The following CTNND2 variants were observed in gnomAD, a reference collection of about 807,000 sequenced individuals.
The protein encoded by CTNND2 is catenin delta-2.
In CTNND2, 22 loss-of-function variants were observed where a neutral mutation model predicts 144.4. The observed-to-expected ratio is 0.15, with a 90% confidence interval of 0.11 to 0.22. The LOEUF (loss-of-function observed/expected upper bound fraction) is 0.22. CTNND2 is among the 10% of genes least tolerant of loss of function. The pLI, the probability that CTNND2 is intolerant of heterozygous loss-of-function variation, is 1.00. For missense variants in CTNND2, 1,353 were observed against 1,618.8 expected (o/e 0.84, Z 2.82); for synonymous variants, 751 against 695.6 (o/e 1.08, Z -1.25).
chr5:11,782,076 T>C (rs905132035), intron 1 of CTNND2, among the ~76,000 whole-genome samples: 4 of 152,180 alleles, frequency 2.6e-5, no homozygotes, highest in Admixed American at 2.6e-4. Flanking sequence ...ACATGAGAGC[T>C]GATGTTTGTA....
intron 13 of CTNND2, among the ~76,000 whole-genome samples, chr5:11,113,786 G>A (rs1753264922): frequency 6.6e-6 from 1 of 152,206 alleles, no homozygotes; most frequent in Non-Finnish European, 1.5e-5. Context: ...TGCAGTCCTG[G>A]GGTGGGACTG....
intron 2 of CTNND2, among the ~76,000 whole-genome samples, chr5:11,720,011 C>A (rs1320723429): frequency 6.6e-6 from 1 of 152,266 alleles, no homozygotes; most frequent in East Asian, 1.9e-4. Flanking sequence ...CCCAGCCACA[C>A]CCCAGGCTAA....
chr5:11,312,852 G>C (rs559887025), intron 9 of CTNND2, among the ~76,000 whole-genome samples: 1 of 152,300 alleles, frequency 6.6e-6, no homozygotes, highest in South Asian at 2.1e-4. Flanking sequence ...TTCTAAATGA[G>C]ATTTTGCTTG....
chr5:11,759,535 T>C (rs1021185082), intron 1 of CTNND2, among the ~76,000 whole-genome samples: 3 of 148,732 alleles, frequency 2.0e-5, no homozygotes, highest in Non-Finnish European at 4.5e-5. Flanking sequence ...TTTCTATATT[T>C]ATTTTACAAT....
chr5:11,586,323 C>A (rs1778860495), intron 2 of CTNND2, among the ~76,000 whole-genome samples: 1 of 152,146 alleles, frequency 6.6e-6, no homozygotes, highest in African/African-American at 2.4e-5. Context: ...TGGATCCCAC[C>A]AGACTTTTTA....
intron 1 of CTNND2, among the ~76,000 whole-genome samples, chr5:11,852,191 A>G (rs1795049022): frequency 6.6e-6 from 1 of 152,178 alleles, no homozygotes; most frequent in South Asian, 2.1e-4. Flanking sequence ...CAAGAATGCC[A>G]CAGGAATGTC....
chr5:11,020,583 GGTGA>G (rs1445287818), intron 17 of CTNND2, among the ~76,000 whole-genome samples: 7 of 152,122 alleles, frequency 4.6e-5, no homozygotes, highest in African/African-American at 1.7e-4. Flanking sequence ...AGTCAGAAAT[GGTGA>G]GTTTCATGCT....
At chr5:11,021,313 G>A (rs1429579937) in intron 17 of CTNND2, among the ~76,000 whole-genome samples, 3 of 152,156 alleles carry the variant, frequency 2.0e-5, no homozygotes, top group Non-Finnish European at 4.4e-5. Context: ...CATGAATATA[G>A]ACAAGAATAT....
chr5:11,231,985 A>G (rs1741078732), intron 10 of CTNND2, among the ~76,000 whole-genome samples: 1 of 152,240 alleles, frequency 6.6e-6, no homozygotes, highest in South Asian at 2.1e-4. Flanking sequence ...GGTACAGCTC[A>G]GGCCATTGCT....
intron 8 of CTNND2, among the ~76,000 whole-genome samples, chr5:11,350,007 C>T (rs901657219): frequency 4.6e-5 from 7 of 152,186 alleles, no homozygotes; most frequent in East Asian, 1.9e-4. Context: ...CGTGGTGGCA[C>T]GTGCCTGTAA....
chr5:11,508,854 T>A (rs1329196076), intron 3 of CTNND2, among the ~76,000 whole-genome samples: 1 of 151,442 alleles, frequency 6.6e-6, no homozygotes, highest in African/African-American at 2.4e-5. Context: ...GAGGTTGCGG[T>A]GAGCTGAGAT....
intron 1 of CTNND2, among the ~76,000 whole-genome samples, chr5:11,761,535 G>C (rs1789262509): frequency 6.6e-6 from 1 of 151,666 alleles, no homozygotes; most frequent in Non-Finnish European, 1.5e-5. Flanking sequence ...ACAATATCTA[G>C]TAACAATCTA....
chr5:11,659,869 G>A (rs900351590), intron 2 of CTNND2, among the ~76,000 whole-genome samples: 1 of 152,148 alleles, frequency 6.6e-6, no homozygotes, highest in Admixed American at 6.6e-5. Context: ...TTTATGACCA[G>A]AAGCAGAATT....
At chr5:11,480,646 A>ATATG (rs987450261) in intron 3 of CTNND2, among the ~76,000 whole-genome samples, 30 of 149,162 alleles carry the variant, frequency 2.0e-4, no homozygotes, top group African/African-American at 6.9e-4. Flanking sequence ...AAATACATAT[A>ATATG]TGTGTGTGTG....
intron 10 of CTNND2, among the ~76,000 whole-genome samples, chr5:11,231,811 C>T (rs1442861689): frequency 6.6e-6 from 1 of 152,216 alleles, no homozygotes; most frequent in Non-Finnish European, 1.5e-5. Flanking sequence ...CAGGGCATGT[C>T]ATAGACCTTC....
intron 9 of CTNND2, among the ~76,000 whole-genome samples, chr5:11,260,584 A>G (rs532019997): frequency 3.3e-5 from 5 of 152,306 alleles, no homozygotes; most frequent in Middle Eastern, 3.4e-3. Context: ...ACCTCATCCC[A>G]CAGTCGAAGG....
At chr5:11,267,281 T>C (rs1485676989) in intron 9 of CTNND2, among the ~76,000 whole-genome samples, 2 of 152,184 alleles carry the variant, frequency 1.3e-5, no homozygotes, top group Non-Finnish European at 2.9e-5. Context: ...TAATCCTCAG[T>C]GATGGCTGAT....
chr5:11,903,062 G>T lies in CTNND2; in HGVS notation c.37+755C>A, dbSNP rs1316335118. ...GAAAACACACTACACACCAGAATAAGATGAGGGTCGGGAAAAAAAGAAAAA... is the reference window on the plus strand; with the variant it reads ...GAAAACACACTACACACCAGAATAATATGAGGGTCGGGAAAAAAAGAAAAA... On this transcript the variant is annotated intron_variant, in intron 1 of 21. Transcript: ENST00000304623. The surrounding 1 kb of genome is among the most constrained non-coding windows in gnomAD (Gnocchi z 5.4). 2.7e-5 allele frequency: 10 copies of T among 375,970 alleles called. No homozygotes were observed. Among genetic ancestry groups the T allele is most frequent in the Non-Finnish European group, 3.7e-5 (10 of 272,784 alleles). 23.3% of individuals were successfully genotyped at this position (375,970 alleles called of 1,614,324 possible).
At chr5:11,475,459 T>C (rs1015299128) in intron 3 of CTNND2, among the ~76,000 whole-genome samples, 1 of 152,192 alleles carries the variant, frequency 6.6e-6, no homozygotes, top group Non-Finnish European at 1.5e-5. Flanking sequence ...TGTACCTAAT[T>C]TGAGTGTGCA....
Sources: gnomAD v4.1 joint callset for allele counts (sites outside exome capture counted in the v4.1 genomes callset) on GRCh38, gnomAD v4.1.1 for gene constraint, Gnocchi (gnomAD v3.1) non-coding constraint, MANE v1.5 for transcripts, NCBI Gene and HGNC (gene_info 2026-07-23, HGNC 2026-07-21) for gene names.